The following PRKACB variants were observed in gnomAD, a reference collection of about 807,000 sequenced individuals.
PRKACB encodes cAMP-dependent protein kinase catalytic subunit beta.
PRKACB carries 16 observed loss-of-function variants against 51.4 expected under a neutral mutation model. That is an observed-to-expected ratio of 0.31 (90% CI 0.21 to 0.47). The LOEUF is 0.47. Among genes scored for constraint, PRKACB ranks in the 20% least tolerant of loss-of-function variants. The pLI is 1.00. For missense variants in PRKACB, 309 were observed against 464.5 expected (o/e 0.67, Z 3.08); for synonymous variants, 147 against 154.4 (o/e 0.95, Z 0.35).
At chr1:84,092,707 A>G (rs1014301905) in intron 1 of PRKACB, among the ~76,000 whole-genome samples, 1 of 152,138 alleles carries the variant, frequency 6.6e-6, no homozygotes, top group African/African-American at 2.4e-5. Context: ...TCTAACCAGC[A>G]GTGCTTAGGG....
intron 5 of PRKACB, among the ~76,000 whole-genome samples, chr1:84,192,528 G>A (rs546003708): frequency 2.6e-5 from 4 of 152,142 alleles, no homozygotes; most frequent in African/African-American, 9.6e-5. Context: ...TGCCAAAATA[G>A]CTGAGGATTT....
chr1:84,186,794 C>T (rs1665253381), intron 5 of PRKACB, among the ~76,000 whole-genome samples: 1 of 152,026 alleles, frequency 6.6e-6, no homozygotes, highest in African/African-American at 2.4e-5. Context: ...GGACCTGGGC[C>T]ACATTCAAGT....
chr1:84,107,399 GA>G (rs1649842131), intron 1 of PRKACB, among the ~76,000 whole-genome samples: 1 of 151,992 alleles, frequency 6.6e-6, no homozygotes. Flanking sequence ...GATAACCTAG[GA>G]AATACCATTT....
In PRKACB at chr1:84,215,301, A is replaced by C. The variant is rs546400852; in HGVS notation, c.1071+984A>C. ...ATGTTAGGTATTCTGCAAGGTGCTG[A>C]GAATACAATGATGAGCAAAACCAAC... On this transcript the variant is annotated intron_variant, in intron 9 of 9. Transcript: ENST00000370685. 2.0e-5 allele frequency among the ~76,000 whole-genome samples: 3 copies of C among 152,334 alleles called. No individual in the cohort carries two copies. The South Asian group carries it at 6.2e-4, about 32-fold the overall frequency.
chr1:84,109,777 T>C (rs1650066233), intron 1 of PRKACB, among the ~76,000 whole-genome samples: 1 of 151,942 alleles, frequency 6.6e-6, no homozygotes, highest in Non-Finnish European at 1.5e-5. Flanking sequence ...AATTTTTATA[T>C]TGGTAATTTG....
intron 8 of PRKACB, chr1:84,204,564 TA>T: frequency 6.4e-7 from 1 of 1,572,634 alleles, no homozygotes; most frequent in Non-Finnish European, 8.7e-7. Flanking sequence ...TTGAGAAGTG[TA>T]GACTCTCAAG....
intron 1 of PRKACB, among the ~76,000 whole-genome samples, chr1:84,136,564 A>G (rs896306071): frequency 6.6e-6 from 1 of 151,646 alleles, no homozygotes; most frequent in African/African-American, 2.4e-5. Context: ...AGCAACATAA[A>G]CTCTTTTTCG....
At chr1:84,183,516 T>A (rs1291419987) in intron 3 of PRKACB, among the ~76,000 whole-genome samples, 1 of 151,786 alleles carries the variant, frequency 6.6e-6, no homozygotes, top group Admixed American at 6.6e-5. Context: ...TACTCACTAT[T>A]TTTCAGTTAT....
At chr1:84,112,356 C>T (rs1440090208) in intron 1 of PRKACB, among the ~76,000 whole-genome samples, 2 of 151,716 alleles carry the variant, frequency 1.3e-5, no homozygotes, top group African/African-American at 4.8e-5. Flanking sequence ...CCTCAGCCTC[C>T]CAAGTAGCTA....
chr1:84,129,084 A>G (rs948778724), intron 1 of PRKACB, among the ~76,000 whole-genome samples: 1 of 152,234 alleles, frequency 6.6e-6, no homozygotes, highest in African/African-American at 2.4e-5. Flanking sequence ...TTCAATGTAC[A>G]GCATATGTTT....
chr1:84,148,905 G>C (rs577146447), intron 1 of PRKACB, among the ~76,000 whole-genome samples: 3 of 152,130 alleles, frequency 2.0e-5, no homozygotes, highest in Admixed American at 6.5e-5. Context: ...CCATATGACA[G>C]AGTTAGAAGA....
At chr1:84,091,315 A>G (rs1557911955) in intron 1 of PRKACB, among the ~76,000 whole-genome samples, 1 of 152,206 alleles carries the variant, frequency 6.6e-6, no homozygotes, top group African/African-American at 2.4e-5. Context: ...TGTGGTCTGC[A>G]TATTAATATT....
chr1:84,214,404 G>T, intron 9 of PRKACB, 87 bp downstream of exon 9: 3 of 1,248,538 alleles, frequency 2.4e-6, no homozygotes, highest in Non-Finnish European at 2.2e-6. Flanking sequence ...TTAACACATA[G>T]TTTTAATTTT....
chr1:84,188,504 T>C (rs1039323651), intron 5 of PRKACB, among the ~76,000 whole-genome samples: 4 of 151,956 alleles, frequency 2.6e-5, no homozygotes, highest in Non-Finnish European at 5.9e-5. Flanking sequence ...AAAAATCTGA[T>C]GAAAGTTTAC....
At chr1:84,214,595 T>A (rs1469995028) in intron 9 of PRKACB, among the ~76,000 whole-genome samples, 1 of 150,738 alleles carries the variant, frequency 6.6e-6, no homozygotes, top group Non-Finnish European at 1.5e-5. Flanking sequence ...TCAGTTCAAG[T>A]GATTCTCCTG....
chr1:84,162,703 A>G (rs925308125), intron 1 of PRKACB, among the ~76,000 whole-genome samples: 1 of 151,920 alleles, frequency 6.6e-6, no homozygotes, highest in Non-Finnish European at 1.5e-5. Flanking sequence ...TCCTTTAGGT[A>G]TTTAACACAA....
At chr1:84,179,297 C>T (rs1387627433) in intron 2 of PRKACB, 59 bp downstream of exon 2, 1 of 1,460,678 alleles carries the variant, frequency 6.8e-7, no homozygotes, top group East Asian at 2.5e-5. Flanking sequence ...AATCAGGATT[C>T]TTGCCTAAGA....
chr1:84,165,277 T>A (rs1311364933), intron 1 of PRKACB, among the ~76,000 whole-genome samples: 1 of 151,892 alleles, frequency 6.6e-6, no homozygotes, highest in Non-Finnish European at 1.5e-5. Context: ...TGTTGGGCAC[T>A]GTTATTAATT....
rs1676575468 is a variant in PRKACB at position 84,235,420 on chromosome 1, C to G, written c.*115C>G. 1 of 1,373,016 alleles carries G rather than the reference C, an allele frequency of 7.3e-7. No homozygotes were observed. The highest frequency in any genetic ancestry group is 1.0e-6 in the Non-Finnish European group (1 of 991,440). The allele number at this position is 1,373,016 out of a possible 1,614,324, so 85.1% of individuals were successfully genotyped here. A position where few individuals can be genotyped will look rare whatever the true frequency, so the allele number is the denominator to read the frequency against. On this transcript the variant is annotated 3_prime_UTR_variant, in exon 10 of 10. Transcript: ENST00000370685. The stretch of plus-strand genomic sequence containing the variant: ...TTACCTAGTTCCTTCATTCCAACGA[C>G]TGAGTGAGGTCTTTATTGCCATCAT...
Sources: allele counts gnomAD v4.1 joint callset (sites outside exome capture counted in the v4.1 genomes callset), GRCh38; gene constraint gnomAD v4.1.1; transcripts MANE v1.5; gene names NCBI Gene and HGNC (gene_info 2026-07-23, HGNC 2026-07-21).